ZRANB3: variants seen among roughly 807,000 people sequenced by gnomAD.
ZRANB3 encodes the protein zinc finger RANBP2-type containing 3.
ZRANB3 carries 125 observed loss-of-function variants against 133.8 expected under a neutral mutation model. The observed-to-expected ratio is 0.93, with a 90% CI of 0.81 to 1.08. The LOEUF (loss-of-function observed/expected upper bound fraction) is 1.08, where lower values mean the gene tolerates loss of function less well. Ranked by LOEUF, ZRANB3 falls within the 50% of genes least tolerant of loss-of-function variation. ZRANB3 has a pLI of 0.00. For missense variants in ZRANB3, 1,229 were observed against 1,275.5 expected (o/e 0.96, Z 0.56); for synonymous variants, 387 against 432.7 (o/e 0.89, Z 1.31).
intron 3 of ZRANB3, among the ~76,000 whole-genome samples, chr2:135,385,463 A>C (rs1686926220): frequency 6.6e-6 from 1 of 152,198 alleles, no homozygotes; most frequent in Non-Finnish European, 1.5e-5. Flanking sequence ...GCTACCAATG[A>C]CTTTCTTCAC....
At chr2:135,496,052 C>G (rs1040372898) in intron 2 of ZRANB3, among the ~76,000 whole-genome samples, 6 of 152,010 alleles carry the variant, frequency 3.9e-5, no homozygotes, top group Non-Finnish European at 7.4e-5. Context: ...TTTGCAAATC[C>G]TCCATTGAAG....
intron 15 of ZRANB3, among the ~76,000 whole-genome samples, chr2:135,221,036 T>A (rs1265815958): frequency 6.6e-6 from 1 of 151,936 alleles, no homozygotes; most frequent in African/African-American, 2.4e-5. Context: ...TTTGTATTTT[T>A]AGTAGAGTCG....
intron 2 of ZRANB3, 191 bp downstream of exon 2, chr2:135,504,138 T>C: frequency 1.5e-6 from 1 of 683,576 alleles, no homozygotes; most frequent in Non-Finnish European, 2.6e-6. Flanking sequence ...TCTTAAGAAA[T>C]CACAATTGGT....
chr2:135,405,014 C>T, intron 2 of ZRANB3, among the ~76,000 whole-genome samples: 1 of 152,146 alleles, frequency 6.6e-6, no homozygotes. Context: ...AATTAAAAGA[C>T]ACAGACTGGC....
chr2:135,404,898 G>T (rs1687932449), intron 2 of ZRANB3, among the ~76,000 whole-genome samples: 1 of 152,180 alleles, frequency 6.6e-6, no homozygotes, highest in Admixed American at 6.5e-5. Flanking sequence ...AGGCTAGGAA[G>T]AAACTGCATC....
chr2:135,350,259 ACG>A (rs1274485214), intron 4 of ZRANB3, 44 bp from the exon 5 acceptor site: 1 of 1,419,174 alleles, frequency 7.0e-7, no homozygotes, highest in East Asian at 2.5e-5. Flanking sequence ...CTCAGTAATG[ACG>A]TTATCATGAA....
intron 3 of ZRANB3, among the ~76,000 whole-genome samples, chr2:135,372,138 C>T (rs1331921579): frequency 6.7e-6 from 1 of 150,138 alleles, no homozygotes; most frequent in Non-Finnish European, 1.5e-5. Context: ...ACTGTGCCAG[C>T]CTGGGTGACA....
At chr2:135,339,604 TATA>T (rs769854313) in intron 6 of ZRANB3, among the ~76,000 whole-genome samples, 2 of 152,150 alleles carry the variant, frequency 1.3e-5, no homozygotes, top group Non-Finnish European at 2.9e-5. Context: ...AAACAGATGG[TATA>T]GCCATAACAT....
chr2:135,515,632 C>T (rs1430596369), intron 1 of ZRANB3, among the ~76,000 whole-genome samples: 2 of 152,198 alleles, frequency 1.3e-5, no homozygotes, highest in African/African-American at 2.4e-5. Context: ...AATTTGCTTG[C>T]ACTGTGGTCT....
At chr2:135,473,769 C>G (rs1158893818) in intron 2 of ZRANB3, among the ~76,000 whole-genome samples, 1 of 152,100 alleles carries the variant, frequency 6.6e-6, no homozygotes, top group Non-Finnish European at 1.5e-5. Flanking sequence ...TTTTAGACCC[C>G]CAGGTGGCAG....
At position 135,200,289 on chromosome 2, in the gene ZRANB3, T is replaced by C; in HGVS notation, c.*53A>G. 7.0e-7 allele frequency: 1 copy of C among 1,428,890 alleles called. No homozygotes were observed. Among genetic ancestry groups the C allele is most frequent in the Non-Finnish European group, 9.6e-7 (1 of 1,040,090 alleles). 88.5% of individuals were successfully genotyped at this position (1,428,890 alleles called of 1,614,324 possible). On this transcript the variant is annotated 3_prime_UTR_variant, in exon 21 of 21. Coordinates refer to ENST00000264159, the MANE Select transcript of ZRANB3 (RefSeq NM_032143.4). ...TAAACAAACATGGAAAACTTCTGTATTAAAGTCTTCCACATGTAAACCATT... is the reference window on the plus strand; with the variant it reads ...TAAACAAACATGGAAAACTTCTGTACTAAAGTCTTCCACATGTAAACCATT...
intron 5 of ZRANB3, among the ~76,000 whole-genome samples, chr2:135,349,733 A>G (rs993236022): frequency 4.1e-5 from 6 of 147,122 alleles, no homozygotes; most frequent in African/African-American, 1.6e-4. Context: ...AAGTTGTACT[A>G]AATATGGCAG....
chr2:135,379,431 T>C (rs1035056049), intron 3 of ZRANB3, among the ~76,000 whole-genome samples: 1 of 152,204 alleles, frequency 6.6e-6, no homozygotes, highest in African/African-American at 2.4e-5. Flanking sequence ...TGTAATGTAA[T>C]TGACAGTGAG....
intron 8 of ZRANB3, among the ~76,000 whole-genome samples, chr2:135,293,932 C>T (rs1304082110): frequency 6.6e-6 from 1 of 151,498 alleles, no homozygotes; most frequent in African/African-American, 2.4e-5. Context: ...AGCCTTGCTT[C>T]CCAGGGATGA....
chr2:135,384,045 G>C (rs112606005), intron 3 of ZRANB3, among the ~76,000 whole-genome samples: 1 of 152,086 alleles, frequency 6.6e-6, no homozygotes, highest in African/African-American at 2.4e-5. Context: ...AAAAATCAAC[G>C]AATCCAGGAG....
chr2:135,210,901 T>C (rs1409844946), intron 17 of ZRANB3, among the ~76,000 whole-genome samples: 2 of 151,910 alleles, frequency 1.3e-5, no homozygotes, highest in African/African-American at 4.8e-5. Flanking sequence ...TAGTGGTGTG[T>C]GTCTGTAATC....
chr2:135,516,292 A>T (rs1174114737), intron 1 of ZRANB3, among the ~76,000 whole-genome samples: 1 of 152,086 alleles, frequency 6.6e-6, no homozygotes, highest in Non-Finnish European at 1.5e-5. Context: ...GTTATATGTG[A>T]ATCTGATCCT....
At chr2:135,467,581 G>A (rs1691056081) in intron 2 of ZRANB3, among the ~76,000 whole-genome samples, 2 of 152,098 alleles carry the variant, frequency 1.3e-5, no homozygotes, top group South Asian at 2.1e-4. Context: ...CTTTACTATT[G>A]AGGATCCCCC....
intron 12 of ZRANB3, among the ~76,000 whole-genome samples, chr2:135,232,316 C>T (rs1695065154): frequency 6.6e-6 from 1 of 152,206 alleles, no homozygotes; most frequent in Non-Finnish European, 1.5e-5. Context: ...GTGGAGCCCA[C>T]CACAGCTCAA....
Sources: gnomAD v4.1 joint callset for allele counts (sites outside exome capture counted in the v4.1 genomes callset) on GRCh38, gnomAD v4.1.1 for gene constraint, MANE v1.5 for transcripts, NCBI Gene and HGNC (gene_info 2026-07-23, HGNC 2026-07-21) for gene names.